The following DLG1 variants were observed in gnomAD, a reference collection of about 807,000 sequenced individuals.
The protein encoded by DLG1 is disks large homolog 1.
In DLG1, 42 loss-of-function variants were observed where a neutral mutation model predicts 123.4. The ratio of observed to expected loss-of-function variants is 0.34; its 90% CI spans 0.27 to 0.44. The LOEUF is 0.44. Among genes scored for constraint, DLG1 ranks in the 20% least tolerant of loss-of-function variants. DLG1 has a pLI of 1.00. For missense variants in DLG1, 942 were observed against 1,082.6 expected (o/e 0.87, Z 1.82); for synonymous variants, 317 against 356.2 (o/e 0.89, Z 1.24).
At chr3:197,158,188 T>C (rs1277411791) in intron 5 of DLG1, among the ~76,000 whole-genome samples, 1 of 152,126 alleles carries the variant, frequency 6.6e-6, no homozygotes, top group Non-Finnish European at 1.5e-5. Context: ...TGAACAGATG[T>C]GTCACAAATG....
At chr3:197,178,702 A>G (rs755717710) in intron 5 of DLG1, among the ~76,000 whole-genome samples, 1 of 152,198 alleles carries the variant, frequency 6.6e-6, no homozygotes, top group Admixed American at 6.5e-5. Flanking sequence ...TAGAATATTA[A>G]AAGAGCAGTA....
At chr3:197,250,435 G>A (rs1753802621) in intron 4 of DLG1, among the ~76,000 whole-genome samples, 1 of 152,022 alleles carries the variant, frequency 6.6e-6, no homozygotes, top group African/African-American at 2.4e-5. Flanking sequence ...TGGGCGTCAT[G>A]GTGGGCACCT....
chr3:197,259,363 A>G (rs745979887), intron 4 of DLG1, among the ~76,000 whole-genome samples: 5 of 152,126 alleles, frequency 3.3e-5, no homozygotes, highest in African/African-American at 7.3e-5. Flanking sequence ...CTGAGCAACA[A>G]GAAAAGAAAA....
chr3:197,261,442 T>C (rs1204848029), intron 4 of DLG1, among the ~76,000 whole-genome samples: 2 of 152,208 alleles, frequency 1.3e-5, no homozygotes, highest in African/African-American at 4.8e-5. Context: ...ATCCTGTCTG[T>C]AAAAACCTTT....
At chr3:197,196,938 G>A (rs910129524) in intron 4 of DLG1, among the ~76,000 whole-genome samples, 5 of 152,274 alleles carry the variant, frequency 3.3e-5, no homozygotes, top group African/African-American at 1.2e-4. Flanking sequence ...GTGTATGTGT[G>A]TATCCATGCT....
intron 4 of DLG1, among the ~76,000 whole-genome samples, chr3:197,217,181 TTA>T (rs906525439): frequency 5.3e-5 from 8 of 152,236 alleles, no homozygotes; most frequent in African/African-American, 1.9e-4. Flanking sequence ...CTCTCGTTTT[TTA>T]TAGTGATACA....
intron 6 of DLG1, among the ~76,000 whole-genome samples, chr3:197,148,968 A>G (rs142387152): frequency 5.9e-5 from 9 of 152,284 alleles, no homozygotes; most frequent in African/African-American, 2.2e-4. Flanking sequence ...TTGATAACAT[A>G]ATGTTTAAGA....
At chr3:197,243,534 T>C (rs1325259677) in intron 4 of DLG1, among the ~76,000 whole-genome samples, 2 of 152,178 alleles carry the variant, frequency 1.3e-5, no homozygotes, top group Non-Finnish European at 2.9e-5. Context: ...TAAGGGCTGT[T>C]GTAATAAGTC....
chr3:197,216,910 T>A (rs1734387493), intron 4 of DLG1, among the ~76,000 whole-genome samples: 1 of 152,148 alleles, frequency 6.6e-6, no homozygotes, highest in Non-Finnish European at 1.5e-5. Flanking sequence ...GATCAAAATA[T>A]GAATGAAAAT....
At chr3:197,194,185 G>A (rs1435304858) in intron 5 of DLG1, among the ~76,000 whole-genome samples, 2 of 151,882 alleles carry the variant, frequency 1.3e-5, no homozygotes, top group Non-Finnish European at 2.9e-5. Flanking sequence ...TATTTCCATC[G>A]TGGGAATTTT....
Position 197,296,330 on chromosome 3 carries a change from A to T in DLG1, c.151+16T>A, listed in dbSNP as rs1182987079. ...AAGCCTAGCTGGCATAATAGTTACG[A>T]AGTTTTAATTCCCACCTATTAAAGC... On this transcript the variant is annotated intron_variant, in intron 3 of 24. Coordinates refer to ENST00000667157, the MANE Select transcript of DLG1 (RefSeq NM_001366207.1). 6.2e-7 allele frequency: 1 copy of T among 1,609,616 alleles called. No individual in the cohort carries two copies. Among genetic ancestry groups the T allele is most frequent in the Non-Finnish European group, 8.5e-7 (1 of 1,176,638 alleles).
At chr3:197,277,915 C>T (rs1013221494) in intron 4 of DLG1, among the ~76,000 whole-genome samples, 4 of 152,024 alleles carry the variant, frequency 2.6e-5, no homozygotes, top group Non-Finnish European at 5.9e-5. Context: ...GGGAGGACTG[C>T]TGGAGACCAC....
chr3:197,248,658 GT>G (rs1246061545), intron 4 of DLG1, among the ~76,000 whole-genome samples: 1 of 152,148 alleles, frequency 6.6e-6, no homozygotes, highest in African/African-American at 2.4e-5. Flanking sequence ...GTTATCTGGG[GT>G]AGGACCACAC....
intron 4 of DLG1, among the ~76,000 whole-genome samples, chr3:197,200,096 T>C (rs1247327268): frequency 6.6e-6 from 1 of 152,164 alleles, no homozygotes; most frequent in Non-Finnish European, 1.5e-5. Flanking sequence ...TCATTCCTGT[T>C]AGATAATTTC....
chr3:197,232,801 A>G (rs1024520903), intron 4 of DLG1, among the ~76,000 whole-genome samples: 5 of 152,094 alleles, frequency 3.3e-5, no homozygotes, highest in African/African-American at 1.2e-4. Context: ...TTTGAGAACT[A>G]CTAAGTATCT....
At chr3:197,065,633 A>T in intron 21 of DLG1, 75 bp downstream of exon 21, 1 of 1,133,552 alleles carries the variant, frequency 8.8e-7, no homozygotes, top group Non-Finnish European at 1.3e-6. Flanking sequence ...AAAAATGGTT[A>T]TATCTATTTT....
intron 8 of DLG1, among the ~76,000 whole-genome samples, chr3:197,139,249 A>G (rs1165430464): frequency 1.3e-5 from 2 of 152,208 alleles, no homozygotes; most frequent in African/African-American, 2.4e-5. Context: ...TAATTAAAAT[A>G]TTAAAACTGG....
At chr3:197,221,768 C>A (rs758504477) in intron 4 of DLG1, among the ~76,000 whole-genome samples, 1 of 152,174 alleles carries the variant, frequency 6.6e-6, no homozygotes, top group Non-Finnish European at 1.5e-5. Context: ...TTGCCCAACA[C>A]TACAATCTGT....
At chr3:197,077,833 G>A (rs1748275189) in intron 17 of DLG1, among the ~76,000 whole-genome samples, 1 of 152,110 alleles carries the variant, frequency 6.6e-6, no homozygotes, top group Non-Finnish European at 1.5e-5. Context: ...TTACCTACCA[G>A]TGACACTAAG....
Sources: allele counts gnomAD v4.1 joint callset (sites outside exome capture counted in the v4.1 genomes callset), GRCh38; gene constraint gnomAD v4.1.1; transcripts MANE v1.5; gene names NCBI Gene and HGNC (gene_info 2026-07-23, HGNC 2026-07-21).